MED13: variants seen among roughly 807,000 people sequenced by gnomAD.
MED13 encodes the protein mediator complex subunit 13.
A neutral mutation model predicts 225.2 loss-of-function variants in MED13; 23 were observed. The ratio of observed to expected loss-of-function variants is 0.10; its 90% confidence interval spans 0.07 to 0.14. The LOEUF is 0.14. MED13 is among the 10% of genes least tolerant of loss of function. The pLI is 1.00. For synonymous variants in MED13, 942 were observed against 889.2 expected (o/e 1.06, Z -1.06); for missense variants, 2,197 against 2,594.5 (o/e 0.85, Z 3.33).
intron 5 of MED13, among the ~76,000 whole-genome samples, chr17:62,032,720 A>G (rs2080768403): frequency 6.6e-6 from 1 of 152,330 alleles, no homozygotes; most frequent in East Asian, 1.9e-4. Context: ...GAAGCTTTAA[A>G]TGTGCCTGCA....
At chr17:62,012,464 G>T (rs981303273) in intron 8 of MED13, among the ~76,000 whole-genome samples, 1 of 151,130 alleles carries the variant, frequency 6.6e-6, no homozygotes, top group Non-Finnish European at 1.5e-5. Flanking sequence ...CTAGCAGATG[G>T]GACTACAGGC....
chr17:61,966,470 T>C lies in MED13; in HGVS notation c.4373A>G (p.Tyr1458Cys), dbSNP rs2143378190. The C allele has an allele frequency of 6.2e-7, 1 of 1,610,970 alleles. No individual in the cohort carries two copies. Among genetic ancestry groups the C allele is most frequent in the East Asian group, 2.2e-5 (1 of 44,710 alleles). Residue 1458 changes from tyrosine (Y) to cysteine (C), a missense_variant, in exon 19 of 30, where the codon TAT (tyrosine) becomes TGT (cysteine). By Grantham distance (194) the Tyr-to-Cys change is radical. Transcript: ENST00000397786. The part of the protein sequence containing the change: ...KLKLYAQVCR[Y>C]DLGPYLASLP... ...AAATACAAATTCAATACCTAGGTCA[T>C]ATCTGCAGACTTGTGCATAAAGCTT... is the stretch of plus-strand genomic sequence containing the variant.
In MED13 at chr17:62,058,614, T is replaced by G. The variant is rs150559573; in HGVS notation, c.301+4453A>C. Among the ~76,000 whole-genome samples the G allele has an allele frequency of 1.1e-3, 161 of 150,938 alleles. 1 individual carries two copies. Among genetic ancestry groups the G allele is most frequent in the African/African-American group, 3.8e-3 (154 of 41,054 alleles). On this transcript the variant is annotated intron_variant, in intron 2 of 29. Coordinates refer to ENST00000397786, the MANE Select transcript of MED13 (RefSeq NM_005121.3). ...CTAATCCTTTTTGTATCAAAACATA[T>G]CGACCCCGATTCAACTAATCATTAT...
Position 61,961,787 on chromosome 17 carries a change from G to A in MED13, c.5065-8C>T. 6.2e-7 allele frequency: 1 copy of A among 1,607,804 alleles called. No homozygotes were observed. On this transcript the variant is annotated splice_polypyrimidine_tract_variant and splice_region_variant and intron_variant, in intron 21 of 29. Coordinates refer to ENST00000397786, the MANE Select transcript of MED13 (RefSeq NM_005121.3). ...GTACTGACAAGGAATAATCTAAGAA[G>A]TATAGGCAAATATTACAAATGTTAA...
At chr17:62,024,023 C>CT (rs200282637) in intron 8 of MED13, among the ~76,000 whole-genome samples, 30,651 of 148,554 alleles carry the variant, frequency 0.21, 5,575 homozygotes, top group African/African-American at 0.49. Flanking sequence ...TTAAAAATGA[C>CT]TTTTTTTTTT....
rs1410403716 is a variant in MED13, at chr17:61,945,547, A to C, written c.*921T>G. ...GGAAATGGCCTGAAATATTAGTCAT[A>C]GCCCTAAACCATAGTACAAAATATA... On this transcript the variant is annotated 3_prime_UTR_variant, in exon 30 of 30. Transcript: ENST00000397786. The C allele has an allele frequency of 1.3e-5, 2 of 152,660 alleles. No homozygotes were observed. Among genetic ancestry groups the C allele is most frequent in the Non-Finnish European group, 2.9e-5 (2 of 68,042 alleles). 9.5% of individuals were successfully genotyped at this position (152,660 alleles called of 1,614,324 possible). A position where few individuals can be genotyped will look rare whatever the true frequency, so the allele number is the denominator to read the frequency against.
intron 9 of MED13, chr17:62,006,164 G>A (rs945513914): frequency 6.6e-6 from 1 of 151,482 alleles, no homozygotes; most frequent in African/African-American, 2.4e-5. Context: ...AACAACAGGA[G>A]AGTCTAACTG....
Position 62,063,290 on chromosome 17 carries a change from T to C in MED13, c.78A>G (p.Thr26=). ...ATACATATTTTTTCCACTTAATTCCTGTCAAGTCAGCCTGAAGGAAAGAAA... is the reference window on the plus strand; with the variant it reads ...ATACATATTTTTTCCACTTAATTCCCGTCAAGTCAGCCTGAAGGAAAGAAA... ...HCNLFCLADL[T]GIKWKKYVWQ... Residue 26 remains threonine, a synonymous_variant, in exon 2 of 30, where the codon ACA becomes ACG. Coordinates refer to ENST00000397786, the MANE Select transcript of MED13 (RefSeq NM_005121.3). The C allele has an allele frequency of 6.2e-7, 1 of 1,610,924 alleles. No homozygotes were observed. Among genetic ancestry groups the C allele is most frequent in the Non-Finnish European group, 8.5e-7 (1 of 1,177,884 alleles).
chr17:61,990,395 T>C (rs2143495877), intron 11 of MED13, among the ~76,000 whole-genome samples: 1 of 152,144 alleles, frequency 6.6e-6, no homozygotes, highest in South Asian at 2.1e-4. Flanking sequence ...CTTTCAAGCT[T>C]ATAGTTGTGG....
intron 23 of MED13, among the ~76,000 whole-genome samples, chr17:61,956,828 G>A (rs373610034): frequency 4.6e-5 from 7 of 152,014 alleles, no homozygotes; most frequent in Admixed American, 2.0e-4. Flanking sequence ...GTGAGCCACC[G>A]TGCCATCCCG....
chr17:62,056,521 G>C (rs1489255575), intron 2 of MED13, among the ~76,000 whole-genome samples: 1 of 152,154 alleles, frequency 6.6e-6, no homozygotes, highest in Non-Finnish European at 1.5e-5. Flanking sequence ...CCAGCTACTT[G>C]GGAAGCTAAG....
chr17:61,995,446 T>A (rs1278984142), intron 9 of MED13, 81 bp from the exon 10 acceptor site: 1 of 923,410 alleles, frequency 1.1e-6, no homozygotes, highest in Non-Finnish European at 1.6e-6. Flanking sequence ...TCATAATGTT[T>A]TTAGAATTAC....
In MED13 at chr17:61,984,198, C is replaced by T. The variant is rs2080228949; in HGVS notation, c.2861G>A (p.Gly954Glu). 1 of 1,589,446 alleles carries T rather than the reference C, an allele frequency of 6.3e-7. No homozygotes were observed. The highest frequency in any genetic ancestry group is 1.8e-5 in the Admixed American group (1 of 55,700). Residue 954 changes from glycine to glutamate, a missense_variant, in exon 15 of 30, where the codon GGG becomes GAG. Gly to Glu is a moderately conservative substitution (Grantham distance 98). This residue lies in a region of MED13 where 160 missense variants were observed against 184.8 expected (regional missense o/e 0.87). Transcript: ENST00000397786. ...CTCTTTGATGAATGGCATTGAAGGC[C>T]CTGAAGAAAGCAATTCCAATTTTCC... ...TVGKLELLSS[G>E]PSMPFIKEGD...
Position 61,950,807 on chromosome 17 carries a change from G to C in MED13, c.6291+18C>G. 1 of 1,597,136 alleles carries C rather than the reference G, an allele frequency of 6.3e-7. No individual in the cohort carries two copies. The highest frequency in any genetic ancestry group is 8.5e-7 in the Non-Finnish European group (1 of 1,171,126). Reference sequence around the variant, plus strand: ...GTCAATCAGAATTATTTAGGAACTGGGACAGAAATGGCAATACCTTAAGAA... The same window carrying C: ...GTCAATCAGAATTATTTAGGAACTGCGACAGAAATGGCAATACCTTAAGAA... On this transcript the variant is annotated intron_variant, in intron 28 of 29. Coordinates refer to ENST00000397786, the MANE Select transcript of MED13 (RefSeq NM_005121.3).
At position 61,944,719 on chromosome 17, in the gene MED13, T is replaced by A. The variant is rs2079839872; in HGVS notation, c.*1749A>T. ...AAACAAACACTGAAGTAGAGTTTTG[T>A]AAATACAACTGATTTTGTCCTTGTA... On this transcript the variant is annotated 3_prime_UTR_variant, in exon 30 of 30. Transcript: ENST00000397786. The A allele has an allele frequency of 6.6e-6, 1 of 152,618 alleles. No individual in the cohort carries two copies. Among genetic ancestry groups the A allele is most frequent in the African/African-American group, 2.4e-5 (1 of 41,468 alleles). 9.5% of individuals were successfully genotyped at this position (152,618 alleles called of 1,614,324 possible). A position where few individuals can be genotyped will look rare whatever the true frequency, so the allele number is the denominator to read the frequency against.
chr17:62,065,041 G>C, intron 1 of MED13, 99 bp downstream of exon 1: 1 of 1,104,344 alleles, frequency 9.1e-7, no homozygotes. Context: ...CCTCGCCCGG[G>C]AACTCGGGCA....
intron 9 of MED13, chr17:62,003,621 A>AAAAAAAC (rs10679175): frequency 6.9e-6 from 1 of 144,616 alleles, no homozygotes; most frequent in Non-Finnish European, 1.5e-5. Flanking sequence ...AAAAAAAAAA[A>AAAAAAAC]GCAAAAAGTG....
chr17:61,971,513 G>C (rs968811117), intron 17 of MED13, among the ~76,000 whole-genome samples: 3 of 152,014 alleles, frequency 2.0e-5, no homozygotes, highest in African/African-American at 7.2e-5. Context: ...GGTCAGGCTG[G>C]TCTTGAAGAA....
intron 8 of MED13, among the ~76,000 whole-genome samples, chr17:62,027,081 AC>A (rs539775204): frequency 3.1e-4 from 47 of 152,316 alleles, no homozygotes; most frequent in Admixed American, 2.4e-3. Context: ...ACTAGGAAAA[AC>A]TATTTTTAAA....
Sources: allele counts gnomAD v4.1 joint callset (sites outside exome capture counted in the v4.1 genomes callset), GRCh38; gene constraint gnomAD v4.1.1; regional missense constraint gnomAD v4.1.1; transcripts MANE v1.5; gene names NCBI Gene and HGNC (gene_info 2026-07-23, HGNC 2026-07-21).